Variants in CELF2 observed in about 807,000 individuals in gnomAD.
CELF2 encodes CUG triplet repeat RNA-binding protein 2.
CELF2 carries 8 observed loss-of-function variants against 62.6 expected under a neutral mutation model. That is an observed-to-expected ratio of 0.13 (90% confidence interval 0.07 to 0.23). The LOEUF (loss-of-function observed/expected upper bound fraction) is 0.23, where lower values mean the gene tolerates loss of function less well. Among genes scored for constraint, CELF2 ranks in the 10% least tolerant of loss-of-function variants. The probability of loss-of-function intolerance (pLI) is 1.00; values close to 1 mark genes in which losing one functional copy is unlikely to be tolerated. For missense variants in CELF2, 333 were observed against 671.0 expected, an observed-to-expected ratio of 0.50 and a Z score of 5.56; for synonymous variants, 258 against 250.0, an observed-to-expected ratio of 1.03 and a Z score of -0.30.
At chr10:10,838,729 G>A (rs1359980997) in intron 1 of CELF2, among the ~76,000 whole-genome samples, 1 of 152,024 alleles carries the variant, frequency 6.6e-6, no homozygotes, top group Admixed American at 6.5e-5. Context: ...TGTGGGTTTT[G>A]TTTTGTTATA....
chr10:10,637,709 T>C, the CELF2 span, among the ~76,000 whole-genome samples: 1 of 152,196 alleles, frequency 6.6e-6, no homozygotes, highest in Non-Finnish European at 1.5e-5. Flanking sequence ...CACCTTTCAA[T>C]GTGACACGGA....
the CELF2 span, among the ~76,000 whole-genome samples, chr10:10,573,554 A>G: frequency 6.6e-6 from 1 of 152,212 alleles, no homozygotes; most frequent in African/African-American, 2.4e-5. Flanking sequence ...CTTTTTCTCA[A>G]GAAGTTTCCA....
chr10:10,698,082 T>TG, the CELF2 span, among the ~76,000 whole-genome samples: 1 of 152,078 alleles, frequency 6.6e-6, no homozygotes, highest in South Asian at 2.1e-4. Context: ...ACATATCAAT[T>TG]GGGGGGTGGG....
chr10:10,837,573 G>T (rs1018644874), intron 1 of CELF2, among the ~76,000 whole-genome samples: 5 of 152,120 alleles, frequency 3.3e-5, no homozygotes, highest in African/African-American at 2.4e-5. Flanking sequence ...ATGTCTCAAT[G>T]AAGGTTAGAC....
intron 1 of CELF2, among the ~76,000 whole-genome samples, chr10:11,063,124 A>T (rs762994755): frequency 7.5e-4 from 115 of 152,342 alleles, no homozygotes; most frequent in Non-Finnish European, 1.1e-3. Context: ...TTGCTGCAGT[A>T]TAGTGTAAAC....
At chr10:10,590,673 C>G in the CELF2 span, among the ~76,000 whole-genome samples, 1 of 152,238 alleles carries the variant, frequency 6.6e-6, no homozygotes, top group South Asian at 2.1e-4. Flanking sequence ...TGACCAAGCT[C>G]TGTCTCAGGT....
intron 1 of CELF2, among the ~76,000 whole-genome samples, chr10:10,822,068 A>G (rs924273273): frequency 5.3e-5 from 8 of 152,128 alleles, no homozygotes; most frequent in African/African-American, 1.9e-4. Flanking sequence ...TTCCCTTTCT[A>G]TTCTCTCACA....
At chr10:11,013,026 C>T (rs2056718397), upstream of CELF2, among the ~76,000 whole-genome samples, 1 of 152,190 alleles carries the variant, frequency 6.6e-6, no homozygotes. This position sits in a 1 kb window ranked among gnomAD's most constrained non-coding sequence, Gnocchi z 4.1. Context: ...CATCCTCCCC[C>T]TCCTCTTCCT....
chr10:11,165,617 C>T lies in CELF2; in HGVS notation c.206C>T (p.Pro69Leu), dbSNP rs2066840461. The stretch of plus-strand genomic sequence containing the variant: ...AAGGAGCTGAAAGAACTTTTTGAGC[C>T]TTACGGAGCCGTCTACCAGATCAAC... ...SEKELKELFE[P>L]YGAVYQINVL... The change falls in exon 2 of 13, where the codon CCT becomes CTT. Residue 69 changes from proline to leucine, a missense_variant. Physicochemically the swap from Pro to Leu is moderately conservative, Grantham distance 98. Transcript: ENST00000633077. The surrounding 1 kb of genome is among the most constrained non-coding windows in gnomAD (Gnocchi z 7.4). The T allele has an allele frequency of 1.9e-6, 3 of 1,614,070 alleles. No homozygotes were observed. The highest frequency in any genetic ancestry group is 1.3e-5 in the African/African-American group (1 of 74,930).
intron 1 of CELF2, among the ~76,000 whole-genome samples, chr10:11,118,319 C>A (rs2057008437): frequency 6.6e-6 from 1 of 152,058 alleles, no homozygotes; most frequent in Non-Finnish European, 1.5e-5. Flanking sequence ...TTGTTTTCCT[C>A]TTAAGTGGCA....
At chr10:11,238,868 T>A (rs967057369) in intron 3 of CELF2, among the ~76,000 whole-genome samples, 5 of 152,380 alleles carry the variant, frequency 3.3e-5, no homozygotes, top group African/African-American at 1.2e-4. Flanking sequence ...TATTCATTTT[T>A]CTTCTAATTT....
In CELF2 at chr10:11,269,417, A is replaced by G. The variant is rs2083093686; in HGVS notation, c.619-1249A>G. ...CCAGTAACTACCCAAGGTGATAAGGAAAAAAATGCGTTTGTTTTCCAGAAA... is the reference window on the plus strand; with the variant it reads ...CCAGTAACTACCCAAGGTGATAAGGGAAAAAATGCGTTTGTTTTCCAGAAA... On this transcript the variant is annotated intron_variant, in intron 6 of 12. Coordinates refer to ENST00000633077, the MANE Select transcript of CELF2 (RefSeq NM_001326342.2). This position sits in a 1 kb window ranked among gnomAD's most constrained non-coding sequence, Gnocchi z 4.4. Among the ~76,000 whole-genome samples, 2 of 152,156 alleles carry G rather than the reference A, an allele frequency of 1.3e-5. No homozygotes were observed. The highest frequency in any genetic ancestry group is 1.3e-4 in the Admixed American group (2 of 15,278).
At chr10:10,854,489 A>C (rs1591213873) in intron 1 of CELF2, among the ~76,000 whole-genome samples, 3 of 152,326 alleles carry the variant, frequency 2.0e-5, no homozygotes, top group Admixed American at 2.0e-4. Flanking sequence ...CAGGGATTCT[A>C]TTCCACCATG....
chr10:10,707,064 A>G, the CELF2 span, among the ~76,000 whole-genome samples: 2 of 152,222 alleles, frequency 1.3e-5, no homozygotes, highest in Non-Finnish European at 2.9e-5. Context: ...TAGGGGGTCA[A>G]TGCTGAAGTC....
rs921526390 is a variant in CELF2 at position 11,247,608 on chromosome 10, G to A, written c.355-1545G>A. 2.0e-4 allele frequency among the ~76,000 whole-genome samples: 20 copies of A among 101,892 alleles called. No individual in the cohort carries two copies. The highest frequency in any genetic ancestry group is 1.8e-3 in the East Asian group (6 of 3,366). The allele number at this position is 101,892 out of a possible 152,430, so 66.8% of individuals were successfully genotyped here. A position where few individuals can be genotyped will look rare whatever the true frequency, so the allele number is the denominator to read the frequency against. ...ATCCTATGCCCGCCATCCCATGCCC[G>A]CCATCCCACCCCTGCCACACTGAGC... On this transcript the variant is annotated intron_variant, in intron 3 of 12. Coordinates refer to ENST00000633077, the MANE Select transcript of CELF2 (RefSeq NM_001326342.2). This position sits in a 1 kb window ranked among gnomAD's most constrained non-coding sequence, Gnocchi z 5.4.
intron 1 of CELF2, among the ~76,000 whole-genome samples, chr10:10,813,323 T>G (rs2056122884): frequency 1.3e-5 from 2 of 152,224 alleles, no homozygotes; most frequent in Non-Finnish European, 2.9e-5. Flanking sequence ...GGTGTTTCTG[T>G]TAACCATGCT....
chr10:11,115,150 C>T (rs573859492), intron 1 of CELF2, among the ~76,000 whole-genome samples: 3 of 152,314 alleles, frequency 2.0e-5, no homozygotes, highest in South Asian at 4.1e-4. Context: ...ACGTGAATAT[C>T]TGGAGGTCAG....
At chr10:11,121,707 T>C (rs985387240) in intron 1 of CELF2, among the ~76,000 whole-genome samples, 8 of 152,220 alleles carry the variant, frequency 5.3e-5, no homozygotes, top group Non-Finnish European at 1.0e-4. Flanking sequence ...TTTTTTTGTT[T>C]TTTTTACTGT....
In CELF2 at chr10:10,957,085, CT is replaced by C. The variant is rs2048987397; in HGVS notation, c.89+37088del. Among the ~76,000 whole-genome samples, 1 of 152,142 alleles carries C rather than the reference CT, an allele frequency of 6.6e-6. No individual in the cohort carries two copies. The highest frequency in any genetic ancestry group is 2.4e-5 in the African/African-American group (1 of 41,432). ...AGCACTTCAGGATCAAGTGTAGACTCTTGCACAAGGGAGCTCTGGAAGTATT... is the reference window on the plus strand; with the variant it reads ...AGCACTTCAGGATCAAGTGTAGACTCTGCACAAGGGAGCTCTGGAAGTATT... On this transcript the variant is annotated intron_variant, in intron 2 of 13. Coordinates refer to the CELF2 transcript ENST00000636488. This position sits in a 1 kb window ranked among gnomAD's most constrained non-coding sequence, Gnocchi z 4.1.
Sources: gnomAD v4.1 joint callset for allele counts (sites outside exome capture counted in the v4.1 genomes callset) on GRCh38, gnomAD v4.1.1 for gene constraint, Gnocchi (gnomAD v3.1) non-coding constraint, MANE v1.5 for transcripts, NCBI Gene and HGNC (gene_info 2026-07-23, HGNC 2026-07-21) for gene names.